The following ASH1L variants were observed in gnomAD, a reference collection of about 807,000 sequenced individuals.
ASH1L encodes ASH1 like histone lysine methyltransferase, also known as histone-lysine N-methyltransferase ASH1L.
A neutral mutation model predicts 269.0 loss-of-function variants in ASH1L; 23 were observed. The ratio of observed to expected loss-of-function variants is 0.09; its 90% confidence interval spans 0.06 to 0.12. ASH1L has a LOEUF of 0.12. Ranked by LOEUF, ASH1L falls within the 10% of genes least tolerant of loss-of-function variation. The pLI is 1.00. For synonymous variants in ASH1L, 1,187 were observed against 1,253.5 expected (o/e 0.95, Z 1.12); for missense variants, 2,912 against 3,567.8 (o/e 0.82, Z 4.68).
At chr1:155,461,892 G>T (rs1374511407) in intron 3 of ASH1L, among the ~76,000 whole-genome samples, 1 of 147,576 alleles carries the variant, frequency 6.8e-6, no homozygotes, top group Non-Finnish European at 1.5e-5. Flanking sequence ...TCTGCCTCCC[G>T]GGTTCAAGTG....
chr1:155,345,145 C>T lies in ASH1L; in HGVS notation c.7891-872G>A, dbSNP rs538398936. ...CTAATTTTTGTATTTTTAGTAGAGA[C>T]GGGGTTTCACCATGTTAGCCAGGAT... On this transcript the variant is annotated intron_variant, in intron 21 of 27. Transcript: ENST00000392403. Among the ~76,000 whole-genome samples the T allele has an allele frequency of 6.0e-4, 83 of 138,354 alleles. 1 individual carries two copies. Among genetic ancestry groups the T allele is most frequent in the African/African-American group, 2.1e-3 (80 of 37,912 alleles). The allele number at this position is 138,354 out of a possible 152,430, so 90.8% of individuals were successfully genotyped here.
At chr1:155,497,994 C>T (rs1420648058) in intron 2 of ASH1L, among the ~76,000 whole-genome samples, 1 of 152,024 alleles carries the variant, frequency 6.6e-6, no homozygotes, top group Non-Finnish European at 1.5e-5. Context: ...CCTTGAGATC[C>T]ACCCGCCTCG....
In ASH1L at chr1:155,439,181, C is replaced by T. The variant is rs1463578891; in HGVS notation, c.5087-113G>A. On this transcript the variant is annotated intron_variant, in intron 4 of 27. Coordinates refer to ENST00000392403, the MANE Select transcript of ASH1L (RefSeq NM_018489.3). ...CTCTATTTTCCATAGCAAGATTACA[C>T]ATCATAGGTAAATTGATGGTTTACT... The T allele has an allele frequency of 8.0e-6, 9 of 1,129,100 alleles. No homozygotes were observed. In the Middle Eastern group the frequency reaches 6.3e-4, roughly 79 times the overall value. The allele number at this position is 1,129,100 out of a possible 1,614,324, so 69.9% of individuals were successfully genotyped here. A position where few individuals can be genotyped will look rare whatever the true frequency, so the allele number is the denominator to read the frequency against.
At chr1:155,352,459 A>G (rs1411238800) in intron 17 of ASH1L, among the ~76,000 whole-genome samples, 1 of 151,952 alleles carries the variant, frequency 6.6e-6, no homozygotes, top group Non-Finnish European at 1.5e-5. Context: ...AGAAAACTGC[A>G]AAAAGCCACT....
intron 6 of ASH1L, among the ~76,000 whole-genome samples, chr1:155,411,596 T>A (rs1048012514): frequency 0.011 from 539 of 50,066 alleles, 21 homozygotes; most frequent in Non-Finnish European, 0.023. Flanking sequence ...AATATATATA[T>A]ATATATATAT....
intron 1 of ASH1L, among the ~76,000 whole-genome samples, chr1:155,553,240 T>C (rs1288678986): frequency 1.3e-5 from 2 of 152,230 alleles, no homozygotes; most frequent in East Asian, 1.9e-4. Flanking sequence ...TAGATACTTA[T>C]TATAATCAAG....
chr1:155,424,550 G>A (rs1478892517), intron 5 of ASH1L, among the ~76,000 whole-genome samples: 8 of 151,928 alleles, frequency 5.3e-5, no homozygotes, highest in Admixed American at 6.6e-5. Context: ...TGGGATTACG[G>A]GCATGCGCCA....
At chr1:155,441,213 C>T (rs1465083436) in intron 4 of ASH1L, among the ~76,000 whole-genome samples, 1 of 152,150 alleles carries the variant, frequency 6.6e-6, no homozygotes, top group East Asian at 1.9e-4. Flanking sequence ...CCACTGAAGA[C>T]TTGCCTTAGC....
rs761165286 is a variant in ASH1L, at chr1:155,343,766, G to A, written c.7982-24C>T. ...ACCTAGGAAGACCCAGAACACAGAA[G>A]AAACATAAAACAATTCTTGTATGAA... On this transcript the variant is annotated intron_variant, in intron 22 of 27. Transcript: ENST00000392403. This position sits in a 1 kb window ranked among gnomAD's most constrained non-coding sequence, Gnocchi z 6.1. 2 of 1,609,850 alleles carry A rather than the reference G, an allele frequency of 1.2e-6. No homozygotes were observed. The highest frequency in any genetic ancestry group is 4.5e-5 in the East Asian group (2 of 44,858).
intron 7 of ASH1L, among the ~76,000 whole-genome samples, chr1:155,392,135 C>G (rs1657983066): frequency 1.3e-5 from 2 of 152,116 alleles, no homozygotes; most frequent in South Asian, 4.1e-4. Flanking sequence ...ATACTGGATT[C>G]TGGCTGCATA....
upstream of ASH1L, chr1:155,563,140 G>A: frequency 4.4e-6 from 2 of 457,338 alleles, no homozygotes; most frequent in Non-Finnish European, 8.8e-6. Context: ...GCCGGATCGC[G>A]GCGAGCGGAT....
At chr1:155,519,532 A>C (rs1476117744) in intron 2 of ASH1L, among the ~76,000 whole-genome samples, 1 of 152,258 alleles carries the variant, frequency 6.6e-6, no homozygotes, top group Non-Finnish European at 1.5e-5. Flanking sequence ...CACATGCTAC[A>C]ACATGGTTGC....
intron 5 of ASH1L, chr1:155,433,039 AGAAATCATCCTCCT>A: frequency 1.0e-6 from 1 of 992,508 alleles, no homozygotes; most frequent in Non-Finnish European, 1.4e-6. Context: ...CAGTAAAGGC[AGAAATCATCCTCCT>A]TGTCAGTGTT....
Position 155,481,655 on chromosome 1 carries a change from T to C in ASH1L, c.1215A>G (p.Gly405=). The part of the protein sequence containing the change: ...SAMGLVNKDI[G]KKLMSCPLAG... ...CCAAAGGACAACTCATTAGTTTCTT[T>C]CCAATGTCCTTATTAACCAATCCCA... The change falls in exon 3 of 28, where the codon GGA becomes GGG. Residue 405 remains glycine (G), a synonymous_variant. Transcript: ENST00000392403. The C allele has an allele frequency of 6.2e-7, 1 of 1,614,156 alleles. No homozygotes were observed. The highest frequency in any genetic ancestry group is 8.5e-7 in the Non-Finnish European group (1 of 1,180,022).
chr1:155,360,498 C>T (rs1474026792), intron 12 of ASH1L, 89 bp from the exon 13 acceptor site: 3 of 760,406 alleles, frequency 3.9e-6, no homozygotes, highest in Non-Finnish European at 6.6e-6. Flanking sequence ...GGCTGGAGTG[C>T]AGTGGTGCGA....
At position 155,478,934 on chromosome 1, in the gene ASH1L, G is replaced by A. The variant is rs1225659843; in HGVS notation, c.3936C>T (p.Pro1312=). 2 of 1,613,732 alleles carry A rather than the reference G, an allele frequency of 1.2e-6. No homozygotes were observed. The highest frequency in any genetic ancestry group is 2.2e-5 in the East Asian group (1 of 44,888). ...GAAAGATAGTTGGCAGAAGATCTCGGGGGATAAAATGATGACTTCGATGAG... is the reference window on the plus strand; with the variant it reads ...GAAAGATAGTTGGCAGAAGATCTCGAGGGATAAAATGATGACTTCGATGAG... The part of the protein sequence containing the change: ...RITHRSHHFI[P]RDLLPTIFRI... The change falls in exon 3 of 28, where the codon CCC becomes CCT. Residue 1312 remains proline (P), a synonymous_variant. Transcript: ENST00000392403. This position sits in a 1 kb window ranked among gnomAD's most constrained non-coding sequence, Gnocchi z 4.6.
chr1:155,400,149 C>T (rs576494677), intron 6 of ASH1L, among the ~76,000 whole-genome samples: 1 of 152,050 alleles, frequency 6.6e-6, no homozygotes, highest in Non-Finnish European at 1.5e-5. Context: ...AGATTGAGAC[C>T]ATCCTGGCTA....
intron 1 of ASH1L, among the ~76,000 whole-genome samples, chr1:155,528,850 C>T (rs1047354688): frequency 6.6e-6 from 1 of 152,046 alleles, no homozygotes; most frequent in Non-Finnish European, 1.5e-5. Context: ...CTCCCTCTTC[C>T]CACCCTCCAC....
intron 5 of ASH1L, among the ~76,000 whole-genome samples, chr1:155,422,965 T>C (rs576781891): frequency 8.8e-5 from 13 of 148,216 alleles, no homozygotes; most frequent in Admixed American, 1.3e-4. Flanking sequence ...TTTTTTTTTT[T>C]CAGACGGAGT....
Sources: gnomAD v4.1 joint callset for allele counts (sites outside exome capture counted in the v4.1 genomes callset) on GRCh38, gnomAD v4.1.1 for gene constraint, Gnocchi (gnomAD v3.1) non-coding constraint, MANE v1.5 for transcripts, NCBI Gene and HGNC (gene_info 2026-07-23, HGNC 2026-07-21) for gene names.